The following BMPER variants were observed in gnomAD, a reference collection of about 807,000 sequenced individuals.
BMPER encodes BMP-binding endothelial regulator protein.
Under a neutral mutation model 87.3 loss-of-function variants are expected in BMPER, and 45 were observed. That is an observed-to-expected ratio of 0.52 (90% CI 0.41 to 0.66). The LOEUF is 0.66. Ranked by LOEUF, BMPER falls within the 30% of genes least tolerant of loss-of-function variation. BMPER has a pLI of 0.00. For missense variants in BMPER, 784 were observed against 867.5 expected, an observed-to-expected ratio of 0.90 and a Z score of 1.21; for synonymous variants, 326 against 316.2, an observed-to-expected ratio of 1.03 and a Z score of -0.33.
In BMPER at chr7:34,079,188, TG is replaced by T; in HGVS notation, c.1408+6del. ...TCTTGAAAGTGACCACCAAAGCAGG[TG>T]GGGCGTCTGTGGCCTCCCTCTTGCT... On this transcript the variant is annotated splice_donor_region_variant and intron_variant, in intron 12 of 14. Coordinates refer to ENST00000649409, the MANE Select transcript of BMPER (RefSeq NM_001365308.1). 6.2e-7 allele frequency: 1 copy of T among 1,613,390 alleles called. No homozygotes were observed. The highest frequency in any genetic ancestry group is 8.5e-7 in the Non-Finnish European group (1 of 1,179,990).
chr7:34,129,634 A>G (rs1246567533), intron 13 of BMPER, among the ~76,000 whole-genome samples: 14 of 131,784 alleles, frequency 1.1e-4, no homozygotes, highest in South Asian at 4.9e-4. Context: ...GAAAGAGAGA[A>G]AGAAAGAAAG....
intron 13 of BMPER, among the ~76,000 whole-genome samples, chr7:34,093,147 C>A (rs1789436928): frequency 6.6e-6 from 1 of 152,082 alleles, no homozygotes; most frequent in Non-Finnish European, 1.5e-5. Context: ...GGATATAGAT[C>A]AAAATCAAAA....
At chr7:34,076,368 T>C (rs1007504034) in intron 11 of BMPER, among the ~76,000 whole-genome samples, 4 of 152,226 alleles carry the variant, frequency 2.6e-5, no homozygotes, top group Admixed American at 1.3e-4. Flanking sequence ...ATGTCACTTA[T>C]GGCTCTTCCA....
At chr7:34,044,986 G>T (rs1787922673) in intron 6 of BMPER, among the ~76,000 whole-genome samples, 1 of 152,122 alleles carries the variant, frequency 6.6e-6, no homozygotes, top group Admixed American at 6.5e-5. Context: ...GAGTGGGGAA[G>T]GTGTGAGGAA....
intron 12 of BMPER, among the ~76,000 whole-genome samples, chr7:34,081,885 T>A (rs1219114200): frequency 6.6e-6 from 1 of 152,186 alleles, no homozygotes; most frequent in African/African-American, 2.4e-5. Context: ...CTCTCCTTTT[T>A]GCACGTTCTC....
At position 34,120,423 on chromosome 7, in the gene BMPER, A is replaced by C. The variant is rs138951488; in HGVS notation, c.1746-22807A>C. Among the ~76,000 whole-genome samples, 62 of 149,074 alleles carry C rather than the reference A, an allele frequency of 4.2e-4. No homozygotes were observed. The East Asian group carries it at 0.011, about 26-fold the overall frequency. On this transcript the variant is annotated intron_variant, in intron 13 of 14. Transcript: ENST00000649409. ...TTGTTTGTTGTTTTTTTTGAGATGGAGTTTTGCTCTCGTTGCCCAGACTGG... is the reference window on the plus strand; with the variant it reads ...TTGTTTGTTGTTTTTTTTGAGATGGCGTTTTGCTCTCGTTGCCCAGACTGG...
intron 2 of BMPER, among the ~76,000 whole-genome samples, chr7:33,918,243 A>C (rs1356915932): frequency 2.0e-5 from 3 of 152,222 alleles, no homozygotes; most frequent in African/African-American, 7.2e-5. Flanking sequence ...AACATTAATG[A>C]ATGACATTTT....
intron 13 of BMPER, among the ~76,000 whole-genome samples, chr7:34,138,622 T>A (rs1790784855): frequency 2.0e-5 from 3 of 152,184 alleles, no homozygotes. Flanking sequence ...CTAGATACAT[T>A]AATTTGAAGC....
intron 4 of BMPER, among the ~76,000 whole-genome samples, chr7:33,968,980 G>A (rs746803226): frequency 9.2e-5 from 14 of 152,164 alleles, no homozygotes; most frequent in Admixed American, 2.6e-4. Context: ...TGTAACTAAA[G>A]CATGGATCTT....
intron 3 of BMPER, among the ~76,000 whole-genome samples, chr7:33,950,382 A>T (rs1784990717): frequency 6.6e-6 from 1 of 152,178 alleles, no homozygotes; most frequent in African/African-American, 2.4e-5. Context: ...ACAACAAGCT[A>T]TGACAAACTT....
intron 3 of BMPER, among the ~76,000 whole-genome samples, chr7:33,941,178 A>G (rs1041966462): frequency 1.0e-4 from 14 of 140,032 alleles, no homozygotes; most frequent in African/African-American, 3.4e-4. Context: ...ATATTTATAT[A>G]TAATATAATT....
At chr7:33,965,767 C>A (rs1317278262) in intron 3 of BMPER, among the ~76,000 whole-genome samples, 2 of 152,142 alleles carry the variant, frequency 1.3e-5, no homozygotes, top group Non-Finnish European at 2.9e-5. Flanking sequence ...TTTCTTTGGC[C>A]TTTTCCCACA....
In BMPER at chr7:34,078,896, A is replaced by C; in HGVS notation, c.1118A>C (p.Asn373Thr). Residue 373 changes from asparagine (N) to threonine (T), a missense_variant, in exon 12 of 15, where the codon AAC (asparagine) becomes ACC (threonine). Asn to Thr is a moderately conservative substitution (Grantham distance 65). Coordinates refer to ENST00000649409, the MANE Select transcript of BMPER (RefSeq NM_001365308.1). ...VCTVFGDPHYNTFDGRTFNFQ... is the reference protein window; with the variant it reads ...VCTVFGDPHYTTFDGRTFNFQ... ...ACGGTGTTTGGAGATCCCCACTACAACACTTTTGACGGTCGGACATTTAAC... is the reference window on the plus strand; with the variant it reads ...ACGGTGTTTGGAGATCCCCACTACACCACTTTTGACGGTCGGACATTTAAC... The C allele has an allele frequency of 1.2e-6, 2 of 1,614,144 alleles. No individual in the cohort carries two copies. Among genetic ancestry groups the C allele is most frequent in the Non-Finnish European group, 1.7e-6 (2 of 1,180,036 alleles).
rs1019002614 is a variant in BMPER at position 34,051,878 on chromosome 7, G to A, written c.694G>A (p.Asp232Asn). The A allele has an allele frequency of 1.9e-6, 3 of 1,613,700 alleles. No homozygotes were observed. Among genetic ancestry groups the A allele is most frequent in the Non-Finnish European group, 2.5e-6 (3 of 1,179,608 alleles). ...CTCTCTAGGTCAGAGGAAAGTGTTT[G>A]ACCTCCCTTTTGGGAGCTGCCTCTT... ...PKCLGQRKVF[D>N]LPFGSCLFRS... Residue 232 changes from aspartate to asparagine, a missense_variant, in exon 8 of 15, where the codon GAC becomes AAC. Transcript: ENST00000649409.
chr7:33,912,496 T>C (rs1783989794), intron 2 of BMPER, among the ~76,000 whole-genome samples: 1 of 152,142 alleles, frequency 6.6e-6, no homozygotes, highest in Non-Finnish European at 1.5e-5. Context: ...GGAAATAATG[T>C]TGAGGAAAGA....
Position 33,914,023 on chromosome 7 carries a change from A to G in BMPER, c.219+7120A>G, listed in dbSNP as rs1032891817. ...GTTGCCCAGGCTGGAGTGCAGTGGC[A>G]TGATCTCGGCTCACTGCAAGCTCCG... On this transcript the variant is annotated intron_variant, in intron 2 of 14. Transcript: ENST00000649409. Among the ~76,000 whole-genome samples the G allele has an allele frequency of 2.0e-5, 3 of 146,434 alleles. 1 individual carries two copies. The highest frequency in any genetic ancestry group is 4.3e-4 in the South Asian group (2 of 4,662).
intron 2 of BMPER, chr7:33,921,630 G>A (rs1413781867): frequency 2.4e-6 from 1 of 417,188 alleles, no homozygotes; most frequent in African/African-American, 2.0e-5. Context: ...GGCGCCTTTG[G>A]GTGGGACAGG....
chr7:34,067,527 C>T (rs1158874077), intron 11 of BMPER, among the ~76,000 whole-genome samples: 1 of 152,096 alleles, frequency 6.6e-6, no homozygotes. Context: ...AACTCCAGGT[C>T]CCTTAACACC....
chr7:34,078,820 GTT>G (rs750718328), intron 11 of BMPER, 35 bp from the exon 12 acceptor site: 1 of 1,607,968 alleles, frequency 6.2e-7, no homozygotes, highest in East Asian at 2.2e-5. Context: ...CCTTGGCTTG[GTT>G]TGTGACCCGG....
Sources: gnomAD v4.1 joint callset for allele counts (sites outside exome capture counted in the v4.1 genomes callset) on GRCh38, gnomAD v4.1.1 for gene constraint, MANE v1.5 for transcripts, NCBI Gene and HGNC (gene_info 2026-07-23, HGNC 2026-07-21) for gene names.